The following SGPP2 variants were observed in gnomAD, a reference collection of about 807,000 sequenced individuals.
SGPP2 encodes sphingosine 1-phosphate phosphohydrolase 2.
In SGPP2, 30 loss-of-function variants were observed where a neutral mutation model predicts 33.9. The ratio of observed to expected loss-of-function variants is 0.89; its 90% CI spans 0.66 to 1.20. The LOEUF (loss-of-function observed/expected upper bound fraction) is 1.20. SGPP2 is among the 50% of genes most tolerant of loss of function. SGPP2 has a pLI of 0.00. For missense variants in SGPP2, 458 were observed against 532.1 expected (o/e 0.86, Z 1.37); for synonymous variants, 233 against 225.0 (o/e 1.04, Z -0.32).
chr2:222,453,950 T>C (rs1233633770), intron 1 of SGPP2, among the ~76,000 whole-genome samples: 1 of 152,198 alleles, frequency 6.6e-6, no homozygotes. Context: ...AGCTAGTGAA[T>C]AGTAAAGCAA....
At chr2:222,524,327 C>T (rs1488965899) in intron 3 of SGPP2, among the ~76,000 whole-genome samples, 1 of 152,220 alleles carries the variant, frequency 6.6e-6, no homozygotes, top group Non-Finnish European at 1.5e-5. Flanking sequence ...ATGCCTATGT[C>T]TAGCTTATAA....
intron 1 of SGPP2, among the ~76,000 whole-genome samples, chr2:222,428,928 A>T (rs987218207): frequency 6.6e-6 from 1 of 150,848 alleles, no homozygotes; most frequent in African/African-American, 2.4e-5. Context: ...AGTAGCTGGG[A>T]TTACAGGCAT....
intron 2 of SGPP2, among the ~76,000 whole-genome samples, chr2:222,486,832 T>C (rs1447381776): frequency 6.6e-6 from 1 of 152,212 alleles, no homozygotes; most frequent in East Asian, 1.9e-4. Flanking sequence ...TTATGGTATA[T>C]ATTAAGGCTT....
intron 2 of SGPP2, among the ~76,000 whole-genome samples, chr2:222,502,134 C>T (rs1159359841): frequency 2.0e-5 from 3 of 152,120 alleles, no homozygotes; most frequent in African/African-American, 4.8e-5. Context: ...GGAAATTGGC[C>T]TAGGTAAGTT....
intron 1 of SGPP2, among the ~76,000 whole-genome samples, chr2:222,428,516 C>A (rs1697105223): frequency 6.6e-6 from 1 of 152,188 alleles, no homozygotes; most frequent in South Asian, 2.1e-4. Flanking sequence ...ACTGCTCAGA[C>A]ATAGTTCTCA....
intron 1 of SGPP2, among the ~76,000 whole-genome samples, chr2:222,462,270 G>A (rs1338803336): frequency 6.6e-6 from 1 of 152,120 alleles, no homozygotes; most frequent in African/African-American, 2.4e-5. Flanking sequence ...GAGGTCCATG[G>A]GAATGGGGTC....
rs1049514911 is a variant in SGPP2, at chr2:222,561,356, C to T, written c.*2458C>T. Among the ~76,000 whole-genome samples the T allele has an allele frequency of 2.6e-5, 4 of 152,112 alleles. No individual in the cohort carries two copies. The highest frequency in any genetic ancestry group is 5.9e-5 in the Non-Finnish European group (4 of 67,996). ...CTTTTCTGTATTTTCATCCACACAG[C>T]TGCCCAGCCAGAGTTCGCAACACTG... On this transcript the variant is annotated 3_prime_UTR_variant, in exon 5 of 5. Transcript: ENST00000321276.
intron 2 of SGPP2, among the ~76,000 whole-genome samples, chr2:222,487,394 A>G (rs1421027992): frequency 6.6e-6 from 1 of 152,192 alleles, no homozygotes; most frequent in Non-Finnish European, 1.5e-5. Context: ...TAACAAATTG[A>G]CATTTCTCTG....
At chr2:222,525,294 G>A (rs1033877108) in intron 4 of SGPP2, among the ~76,000 whole-genome samples, 1 of 152,108 alleles carries the variant, frequency 6.6e-6, no homozygotes, top group Non-Finnish European at 1.5e-5. Flanking sequence ...TGGAGACTCC[G>A]GTCATTTATA....
Position 222,558,772 on chromosome 2 carries a change from C to T in SGPP2, c.1074C>T (p.Thr358=). 6.2e-7 allele frequency: 1 copy of T among 1,614,064 alleles called. No homozygotes were observed. Among genetic ancestry groups the T allele is most frequent in the Non-Finnish European group, 8.5e-7 (1 of 1,180,024 alleles). ...QVLYSWFKVV[T]RNKEARRRLE... is the part of the protein sequence containing the mutation. The stretch of plus-strand genomic sequence containing the variant: ...TATACTCATGGTTCAAGGTGGTCAC[C>T]AGGAACAAGGAGGCCAGGCGGAGAC... The change falls in exon 5 of 5, where the codon ACC becomes ACT. Residue 358 remains threonine (T), a synonymous_variant. Transcript: ENST00000321276.
At chr2:222,464,951 A>T (rs1697723379) in intron 1 of SGPP2, among the ~76,000 whole-genome samples, 1 of 152,248 alleles carries the variant, frequency 6.6e-6, no homozygotes, top group Admixed American at 6.5e-5. Flanking sequence ...AAAAGATATT[A>T]GATGTTCAGA....
chr2:222,540,132 G>T (rs1464723549), intron 4 of SGPP2, among the ~76,000 whole-genome samples: 1 of 152,118 alleles, frequency 6.6e-6, no homozygotes, highest in Non-Finnish European at 1.5e-5. Context: ...CTTGAAACTA[G>T]GAGTGTTTTG....
intron 2 of SGPP2, among the ~76,000 whole-genome samples, chr2:222,499,582 G>A (rs1247247889): frequency 6.6e-6 from 1 of 151,890 alleles, no homozygotes; most frequent in Non-Finnish European, 1.5e-5. Context: ...GGAGGAGGAA[G>A]CAGAAAAGAG....
chr2:222,525,125 T>G (rs1243460835), intron 4 of SGPP2, 92 bp downstream of exon 4: 2 of 835,520 alleles, frequency 2.4e-6, no homozygotes, highest in Non-Finnish European at 3.7e-6. Context: ...ATTTATAAAA[T>G]TATTTGCATA....
intron 4 of SGPP2, among the ~76,000 whole-genome samples, chr2:222,553,317 C>G (rs1689329726): frequency 6.6e-6 from 1 of 152,134 alleles, no homozygotes; most frequent in South Asian, 2.1e-4. Flanking sequence ...AAAACAAATG[C>G]AAAACTTTGA....
At chr2:222,514,168 G>A (rs562688909) in intron 2 of SGPP2, among the ~76,000 whole-genome samples, 3 of 152,062 alleles carry the variant, frequency 2.0e-5, no homozygotes, top group African/African-American at 4.8e-5. Context: ...TCTACACTAG[G>A]CTATTTATTT....
At chr2:222,549,137 G>T (rs963553575) in intron 4 of SGPP2, among the ~76,000 whole-genome samples, 1 of 152,212 alleles carries the variant, frequency 6.6e-6, no homozygotes, top group Non-Finnish European at 1.5e-5. Context: ...TTCTCAGCAG[G>T]GGACCTGGCA....
chr2:222,534,602 T>A (rs1398787692), intron 4 of SGPP2, among the ~76,000 whole-genome samples: 1 of 152,154 alleles, frequency 6.6e-6, no homozygotes, highest in Non-Finnish European at 1.5e-5. Flanking sequence ...TCATGTTGTT[T>A]AAAAAAACTT....
chr2:222,494,490 G>T (rs1698245918), intron 2 of SGPP2, among the ~76,000 whole-genome samples: 1 of 152,214 alleles, frequency 6.6e-6, no homozygotes, highest in Admixed American at 6.5e-5. Flanking sequence ...GGAGGCAGCG[G>T]TGGTCTCCCA....
Sources: gnomAD v4.1 joint callset for allele counts (sites outside exome capture counted in the v4.1 genomes callset) on GRCh38, gnomAD v4.1.1 for gene constraint, MANE v1.5 for transcripts, NCBI Gene and HGNC (gene_info 2026-07-23, HGNC 2026-07-21) for gene names.